Variants in KIF3C observed in about 807,000 individuals in gnomAD.
The protein encoded by KIF3C is kinesin-like protein KIF3C.
A neutral mutation model predicts 67.7 loss-of-function variants in KIF3C; 12 were observed. The observed-to-expected ratio is 0.18, with a 90% CI of 0.11 to 0.29. The LOEUF (loss-of-function observed/expected upper bound fraction) is 0.29. Among genes scored for constraint, KIF3C ranks in the 10% least tolerant of loss-of-function variants. KIF3C has a pLI of 1.00. For synonymous variants in KIF3C, 393 were observed against 426.2 expected, an observed-to-expected ratio of 0.92 and a Z score of 0.96; for missense variants, 789 against 1,059.6, an observed-to-expected ratio of 0.74 and a Z score of 3.55.
intron 1 of KIF3C, among the ~76,000 whole-genome samples, chr2:25,960,765 G>A (rs1490929779): frequency 5.3e-5 from 8 of 152,068 alleles, no homozygotes; most frequent in Admixed American, 6.6e-5. Context: ...GGCAAAACCC[G>A]TCTCTATAAA....
At chr2:25,962,835 A>AT (rs1663996313) in intron 1 of KIF3C, among the ~76,000 whole-genome samples, 4 of 59,564 alleles carry the variant, frequency 6.7e-5, no homozygotes, top group Admixed American at 2.6e-4. Context: ...AAAATATATA[A>AT]AATATATAAT....
At position 25,980,482 on chromosome 2, in the gene KIF3C, C is replaced by G; in HGVS notation, c.1436G>C (p.Arg479Pro). The G allele has an allele frequency of 6.2e-7, 1 of 1,614,148 alleles. No individual in the cohort carries two copies. Among genetic ancestry groups the G allele is most frequent in the South Asian group, 1.1e-5 (1 of 91,086 alleles). ...CTGCTTCTCCTCGCTCACCAGGCTG[C>G]GGTCATCCTGGATGGCTGCCTTCTC... ...EEEKAAIQDD[R>P]SLVSEEKQKL... Residue 479 changes from arginine (R) to proline (P), a missense_variant, in exon 1 of 8, where the codon CGC (arginine) becomes CCC (proline). Physicochemically the swap from Arg to Pro is moderately radical, Grantham distance 103 (BLOSUM62 -2). Coordinates refer to ENST00000264712, the MANE Select transcript of KIF3C (RefSeq NM_002254.8). This position sits in a 1 kb window ranked among gnomAD's most constrained non-coding sequence, Gnocchi z 7.6.
At position 25,980,460 on chromosome 2, in the gene KIF3C, C is replaced by T. The variant is rs1208827042; in HGVS notation, c.1458G>A (p.Lys486=). 1.2e-6 allele frequency: 2 copies of T among 1,614,156 alleles called. No individual in the cohort carries two copies. The highest frequency in any genetic ancestry group is 2.2e-5 in the South Asian group (2 of 91,086). The part of the protein sequence containing the change: ...QDDRSLVSEE[K]QKLLEEKEKM... ...TCTCCTTCTCCTCCAGCAGCTTCTGCTTCTCCTCGCTCACCAGGCTGCGGT... is the reference window on the plus strand; with the variant it reads ...TCTCCTTCTCCTCCAGCAGCTTCTGTTTCTCCTCGCTCACCAGGCTGCGGT... The change falls in exon 1 of 8, where the codon AAG becomes AAA. Residue 486 remains lysine, a synonymous_variant. Coordinates refer to ENST00000264712, the MANE Select transcript of KIF3C (RefSeq NM_002254.8). The surrounding 1 kb of genome is among the most constrained non-coding windows in gnomAD (Gnocchi z 7.6).
In KIF3C at chr2:25,980,380, T is replaced by A. The variant is rs1664532207; in HGVS notation, c.1538A>T (p.Lys513Met). Residue 513 changes from lysine (K) to methionine (M), a missense_variant, in exon 1 of 8, where the codon AAG (lysine) becomes ATG (methionine). Lys to Met is a moderately conservative substitution (Grantham distance 95). Transcript: ENST00000264712. The surrounding 1 kb of genome is among the most constrained non-coding windows in gnomAD (Gnocchi z 7.6). ...EQQATELLAA[K>M]YKAMESKLLI... is the part of the protein sequence containing the mutation. ...CTCCTCTGGGGCCCTTACCTTGTACTTGGCCGCAAGCAGCTCTGTGGCCTG... is the reference window on the plus strand; with the variant it reads ...CTCCTCTGGGGCCCTTACCTTGTACATGGCCGCAAGCAGCTCTGTGGCCTG... The A allele has an allele frequency of 1.9e-6, 3 of 1,612,822 alleles. No individual in the cohort carries two copies. The highest frequency in any genetic ancestry group is 3.3e-5 in the Admixed American group (2 of 59,962).
chr2:25,952,029 C>T (rs1372007124), intron 4 of KIF3C, 124 bp from the exon 5 acceptor site: 10 of 674,300 alleles, frequency 1.5e-5, no homozygotes, highest in African/African-American at 1.4e-4. Flanking sequence ...CGGTGGCTCA[C>T]GCCTGTAATC....
chr2:25,960,160 T>C (rs1410680753), intron 1 of KIF3C, among the ~76,000 whole-genome samples: 4 of 152,094 alleles, frequency 2.6e-5, no homozygotes, highest in Non-Finnish European at 1.5e-5. Context: ...TCCCCATTGT[T>C]TGGGAGGCTG....
chr2:25,945,205 A>G (rs1397613859), intron 5 of KIF3C, among the ~76,000 whole-genome samples: 5 of 152,170 alleles, frequency 3.3e-5, no homozygotes, highest in Non-Finnish European at 7.3e-5. Flanking sequence ...CAAACTTACA[A>G]ATGCAAAGTG....
chr2:25,938,878 T>C (rs1251195131), intron 5 of KIF3C, among the ~76,000 whole-genome samples: 1 of 152,088 alleles, frequency 6.6e-6, no homozygotes, highest in African/African-American at 2.4e-5. Flanking sequence ...TTGGCTACTA[T>C]CATTTTTTCC....
intron 1 of KIF3C, among the ~76,000 whole-genome samples, chr2:25,960,674 T>C (rs1663920517): frequency 1.3e-5 from 2 of 152,190 alleles, no homozygotes; most frequent in Non-Finnish European, 1.5e-5. Flanking sequence ...GGATGGCTTA[T>C]GCCTGTAATT....
At chr2:25,963,108 G>GTATCTA (rs1664041209) in intron 1 of KIF3C, among the ~76,000 whole-genome samples, 1 of 97,068 alleles carries the variant, frequency 1.0e-5, no homozygotes, top group East Asian at 3.0e-4. Context: ...ACATATACAT[G>GTATCTA]TGTACATAGA....
intron 1 of KIF3C, among the ~76,000 whole-genome samples, chr2:25,970,148 GGA>G (rs1195261690): frequency 2.6e-5 from 4 of 152,164 alleles, no homozygotes; most frequent in Non-Finnish European, 5.9e-5. Context: ...TATTAGTCAG[GGA>G]TCTGGCATAA....
In KIF3C at chr2:25,981,081, ACCACTGCCTCCACCGCCACCACCG is replaced by A; in HGVS notation, c.813_836del (p.Gly274_Gly281del). ...TAGGCCTCTCTCCACCAGCACCACC[ACCACTGCCTCCACCGCCACCACCG>A]CCACCCGAGGATGGTGTGGCTGCCC... On this transcript the variant is annotated inframe_deletion, in exon 1 of 8. Coordinates refer to ENST00000264712, the MANE Select transcript of KIF3C (RefSeq NM_002254.8). The surrounding 1 kb of genome is among the most constrained non-coding windows in gnomAD (Gnocchi z 8.2). 6.2e-7 allele frequency: 1 copy of A among 1,613,968 alleles called. No homozygotes were observed. Among genetic ancestry groups the A allele is most frequent in the South Asian group, 1.1e-5 (1 of 91,062 alleles).
intron 5 of KIF3C, among the ~76,000 whole-genome samples, chr2:25,933,008 T>A (rs1341993794): frequency 3.3e-5 from 5 of 152,062 alleles, no homozygotes; most frequent in African/African-American, 1.2e-4. Context: ...CCCAGCACTT[T>A]GGGAGCCCAA....
In KIF3C at chr2:25,928,076, C is replaced by G. The variant is rs1319576152; in HGVS notation, c.*902G>C. On this transcript the variant is annotated 3_prime_UTR_variant, in exon 8 of 8. Transcript: ENST00000264712. The stretch of plus-strand genomic sequence containing the variant: ...TGACATTGACTCCTCCCACTGTGAA[C>G]GGGGTCTAGGCAGCTGCAGGGAGAA... The G allele has an allele frequency of 6.6e-6, 1 of 152,488 alleles. No individual in the cohort carries two copies. The highest frequency in any genetic ancestry group is 1.5e-5 in the Non-Finnish European group (1 of 68,030). The allele number at this position is 152,488 out of a possible 1,614,324, so 9.4% of individuals were successfully genotyped here.
chr2:25,957,345 GC>G (rs1192835000), intron 1 of KIF3C, among the ~76,000 whole-genome samples: 17 of 152,308 alleles, frequency 1.1e-4, no homozygotes, highest in African/African-American at 3.8e-4. Flanking sequence ...GGAATCTGAA[GC>G]TGAAATAATG....
intron 5 of KIF3C, among the ~76,000 whole-genome samples, chr2:25,942,329 G>A (rs1421587855): frequency 3.3e-5 from 5 of 152,036 alleles, no homozygotes; most frequent in African/African-American, 4.8e-5. Context: ...TTGCACTCCA[G>A]CTTAGGCGAC....
chr2:25,934,663 A>G (rs752611011), intron 5 of KIF3C, among the ~76,000 whole-genome samples: 11 of 152,196 alleles, frequency 7.2e-5, no homozygotes, highest in Non-Finnish European at 1.3e-4. Context: ...AATCCACTAC[A>G]TTATTAAGCA....
chr2:25,939,146 T>C (rs1663220528), intron 5 of KIF3C, among the ~76,000 whole-genome samples: 2 of 152,286 alleles, frequency 1.3e-5, no homozygotes, highest in South Asian at 4.1e-4. Context: ...TTTTGTATTT[T>C]TAGTAGAGAC....
intron 1 of KIF3C, among the ~76,000 whole-genome samples, chr2:25,970,965 GAAAAAAA>G (rs970182694): frequency 0.019 from 917 of 49,306 alleles, 4 homozygotes; most frequent in Non-Finnish European, 0.028. Context: ...CTCTATGAAG[GAAAAAAA>G]AAAAAAAAAA....
Sources: gnomAD v4.1 joint callset for allele counts (sites outside exome capture counted in the v4.1 genomes callset) on GRCh38, gnomAD v4.1.1 for gene constraint, Gnocchi (gnomAD v3.1) non-coding constraint, MANE v1.5 for transcripts, NCBI Gene and HGNC (gene_info 2026-07-23, HGNC 2026-07-21) for gene names.